RAPGEF1: variants seen among roughly 807,000 people sequenced by gnomAD.
RAPGEF1 encodes CRK SH3-binding GNRP.
RAPGEF1 carries 33 observed loss-of-function variants against 143.3 expected under a neutral mutation model. That is an observed-to-expected ratio of 0.23 (90% CI 0.17 to 0.31). The LOEUF (loss-of-function observed/expected upper bound fraction) is 0.31. Among genes scored for constraint, RAPGEF1 ranks in the 10% least tolerant of loss-of-function variants. The pLI is 1.00. For synonymous variants in RAPGEF1, 629 were observed against 676.5 expected (o/e 0.93, Z 1.09); for missense variants, 1,199 against 1,645.4 (o/e 0.73, Z 4.69).
intron 13 of RAPGEF1, among the ~76,000 whole-genome samples, chr9:131,604,377 C>T (rs1282056041): frequency 6.6e-6 from 1 of 152,202 alleles, no homozygotes; most frequent in Non-Finnish European, 1.5e-5. Flanking sequence ...GTGGGGTCCG[C>T]TGCCTGCACT....
chr9:131,737,624 C>A, intron 1 of RAPGEF1: 1 of 1,443,204 alleles, frequency 6.9e-7, no homozygotes, highest in Non-Finnish European at 9.1e-7. Context: ...CATTTCATTC[C>A]CAGCGGTTTG....
chr9:131,681,861 T>C (rs923992589), intron 1 of RAPGEF1, among the ~76,000 whole-genome samples: 2 of 152,260 alleles, frequency 1.3e-5, no homozygotes, highest in Admixed American at 6.5e-5. Flanking sequence ...CAAAGAACCA[T>C]ACGTTGATTT....
chr9:131,646,201 T>A (rs1419643249), intron 3 of RAPGEF1, among the ~76,000 whole-genome samples: 1 of 151,990 alleles, frequency 6.6e-6, no homozygotes, highest in Non-Finnish European at 1.5e-5. Flanking sequence ...ATTTCACAGG[T>A]GGGGAAACTG....
intron 1 of RAPGEF1, among the ~76,000 whole-genome samples, chr9:131,658,560 T>C (rs1200218258): frequency 6.6e-6 from 1 of 152,220 alleles, no homozygotes; most frequent in Non-Finnish European, 1.5e-5. Context: ...ACAATTTCTG[T>C]ATAAATTGAC....
At chr9:131,682,332 G>A (rs1361506534) in intron 1 of RAPGEF1, among the ~76,000 whole-genome samples, 6 of 152,216 alleles carry the variant, frequency 3.9e-5, no homozygotes, top group Admixed American at 1.3e-4. Context: ...TGAGGGGCCC[G>A]TCCCGGGCCC....
chr9:131,626,628 T>C (rs955629107), intron 9 of RAPGEF1, among the ~76,000 whole-genome samples: 1 of 152,220 alleles, frequency 6.6e-6, no homozygotes, highest in African/African-American at 2.4e-5. Flanking sequence ...CTGTTTGCTA[T>C]ACTTTTATTT....
At chr9:131,686,858 G>GTTTTAC (rs1833390002) in intron 1 of RAPGEF1, among the ~76,000 whole-genome samples, 1 of 152,222 alleles carries the variant, frequency 6.6e-6, no homozygotes, top group African/African-American at 2.4e-5. Context: ...AGCCCCAAAT[G>GTTTTAC]TTTTACATTC....
Position 131,650,959 on chromosome 9 carries a change from A to C in RAPGEF1, c.62-10T>G. On this transcript the variant is annotated splice_polypyrimidine_tract_variant and intron_variant, in intron 1 of 26. Transcript: ENST00000683357. The surrounding 1 kb of genome is among the most constrained non-coding windows in gnomAD (Gnocchi z 4.7). ...TGAGAACGCTGAGAGTCTGAAAACA[A>C]AGAGGGTACTGACTGTTAGATGGGA... 1 of 1,613,338 alleles carries C rather than the reference A, an allele frequency of 6.2e-7. No homozygotes were observed. Among genetic ancestry groups the C allele is most frequent in the Non-Finnish European group, 8.5e-7 (1 of 1,179,506 alleles).
intron 1 of RAPGEF1, among the ~76,000 whole-genome samples, chr9:131,670,265 C>G (rs923684484): frequency 2.0e-5 from 3 of 152,082 alleles, no homozygotes; most frequent in Non-Finnish European, 4.4e-5. Context: ...TGCTCTTGGC[C>G]CTAGAGGACT....
chr9:131,721,147 A>G (rs1011515249), intron 1 of RAPGEF1, among the ~76,000 whole-genome samples: 4 of 152,178 alleles, frequency 2.6e-5, no homozygotes, highest in African/African-American at 9.7e-5. Context: ...GTGGACCTGA[A>G]GCAGTTCTCT....
At position 131,641,735 on chromosome 9, in the gene RAPGEF1, C is replaced by T. The variant is rs1208476029; in HGVS notation, c.494+1504G>A. Among the ~76,000 whole-genome samples the T allele has an allele frequency of 3.3e-5, 5 of 152,172 alleles. No individual in the cohort carries two copies. The highest frequency in any genetic ancestry group is 6.5e-5 in the Admixed American group (1 of 15,274). ...CCCAGCACCGAACACTTCTAAGAGC[C>T]GGAGCTGGACTGACTCTGGGAAAGA... is the stretch of plus-strand genomic sequence containing the variant. On this transcript the variant is annotated intron_variant, in intron 4 of 26. Coordinates refer to ENST00000683357, the MANE Select transcript of RAPGEF1 (RefSeq NM_001377935.1). This position sits in a 1 kb window ranked among gnomAD's most constrained non-coding sequence, Gnocchi z 4.6.
intron 9 of RAPGEF1, among the ~76,000 whole-genome samples, chr9:131,627,146 G>A (rs1437561477): frequency 6.7e-6 from 1 of 149,930 alleles, no homozygotes; most frequent in Admixed American, 6.7e-5. Flanking sequence ...CCCGGGAGGC[G>A]GAGGTTGCAG....
intron 4 of RAPGEF1, 135 bp downstream of exon 4, chr9:131,643,104 C>G: frequency 1.0e-6 from 1 of 989,240 alleles, no homozygotes; most frequent in Non-Finnish European, 1.5e-6. Flanking sequence ...GGGGAGTGGT[C>G]AGGGGAAGGA....
rs544713953 is a variant in RAPGEF1, at chr9:131,696,615, C to T, written c.61+43155G>A. ...CAACTCTATTGAAACAGGTGCTCAG[C>T]GAACTGTAGCTCTGAATATTATAGT... On this transcript the variant is annotated intron_variant, in intron 1 of 26. Coordinates refer to ENST00000683357, the MANE Select transcript of RAPGEF1 (RefSeq NM_001377935.1). Among the ~76,000 whole-genome samples, 7 of 152,280 alleles carry T rather than the reference C, an allele frequency of 4.6e-5. No individual in the cohort carries two copies. In the East Asian group the frequency reaches 5.8e-4, roughly 13 times the overall value.
At position 131,675,478 on chromosome 9, in the gene RAPGEF1, C is replaced by T. The variant is rs1832180666; in HGVS notation, c.62-24529G>A. ...ATTAATTCAGAAATCTAAAAATGGT[C>T]CCCAACAGGCTGAGAAGCCAAACAC... On this transcript the variant is annotated intron_variant, in intron 1 of 26. Coordinates refer to ENST00000683357, the MANE Select transcript of RAPGEF1 (RefSeq NM_001377935.1). This position sits in a 1 kb window ranked among gnomAD's most constrained non-coding sequence, Gnocchi z 4.6. Among the ~76,000 whole-genome samples, 1 of 152,198 alleles carries T rather than the reference C, an allele frequency of 6.6e-6. No homozygotes were observed. The highest frequency in any genetic ancestry group is 2.4e-5 in the African/African-American group (1 of 41,444).
chr9:131,594,133 T>C (rs987351278), intron 17 of RAPGEF1, among the ~76,000 whole-genome samples: 11 of 152,206 alleles, frequency 7.2e-5, no homozygotes, highest in African/African-American at 2.4e-4. Flanking sequence ...CCCTCCCCCA[T>C]CTGCTGTGCC....
In RAPGEF1 at chr9:131,667,893, G is replaced by C. The variant is rs1319456561; in HGVS notation, c.62-16944C>G. Among the ~76,000 whole-genome samples, 5 of 152,188 alleles carry C rather than the reference G, an allele frequency of 3.3e-5. No homozygotes were observed. The highest frequency in any genetic ancestry group is 4.8e-5 in the African/African-American group (2 of 41,432). On this transcript the variant is annotated intron_variant, in intron 1 of 26. Coordinates refer to ENST00000683357, the MANE Select transcript of RAPGEF1 (RefSeq NM_001377935.1). The surrounding 1 kb of genome is among the most constrained non-coding windows in gnomAD (Gnocchi z 4.6). ...GATGTCATACAGTACTGCACATACA[G>C]TGAGTCACTAAGCCCAGTCCTGGCA...
intron 1 of RAPGEF1, chr9:131,737,606 T>C (rs1837502692): frequency 1.4e-6 from 2 of 1,473,000 alleles, no homozygotes; most frequent in African/African-American, 2.8e-5. Flanking sequence ...AGAACTCAAA[T>C]GAAGAGTCAT....
chr9:131,737,280 C>T, intron 1 of RAPGEF1: 1 of 1,496,886 alleles, frequency 6.7e-7, no homozygotes. Context: ...CAGCCCCTTC[C>T]CCTCTCTCCT....
Sources: gnomAD v4.1 joint callset for allele counts (sites outside exome capture counted in the v4.1 genomes callset) on GRCh38, gnomAD v4.1.1 for gene constraint, Gnocchi (gnomAD v3.1) non-coding constraint, MANE v1.5 for transcripts, NCBI Gene and HGNC (gene_info 2026-07-23, HGNC 2026-07-21) for gene names.